The following MYH16 variants were observed in gnomAD, a reference collection of about 807,000 sequenced individuals.
MYH16 encodes the protein myosin heavy chain 16, also known as putative uncharacterized protein MYH16.
chr7:99,281,265 A>G (rs2150821114), intron 23 of MYH16, among the ~76,000 whole-genome samples: 1 of 152,232 alleles, frequency 6.6e-6, no homozygotes, highest in Middle Eastern at 3.4e-3. Context: ...GCTATGAACA[A>G]TTATGAATCA....
At chr7:99,255,412 T>C in intron 8 of MYH16, among the ~76,000 whole-genome samples, 1 of 140,890 alleles carries the variant, frequency 7.1e-6, no homozygotes, top group East Asian at 2.1e-4. Flanking sequence ...TGTGCCACCG[T>C]ACTCCAGCCT....
At chr7:99,291,286 C>T (rs1297480864) in intron 30 of MYH16, 37 bp from the exon 12 acceptor site, 1 of 452,530 alleles carries the variant, frequency 2.2e-6, no homozygotes. Flanking sequence ...GGAACCAGTT[C>T]TTCATCCAAT....
At chr7:99,246,251 A>T (rs1791728676) in intron 2 of MYH16, among the ~76,000 whole-genome samples, 1 of 151,884 alleles carries the variant, frequency 6.6e-6, no homozygotes. Flanking sequence ...AGAAAGAAAG[A>T]AAAAAACAGG....
At chr7:99,257,148 G>A (rs1791881200) in intron 9 of MYH16, among the ~76,000 whole-genome samples, 1 of 152,146 alleles carries the variant, frequency 6.6e-6, no homozygotes, top group South Asian at 2.1e-4. Flanking sequence ...TGGGCCCCTT[G>A]GAGAACTCTC....
intron 18 of MYH16, among the ~76,000 whole-genome samples, chr7:99,268,607 G>A (rs1297258005): frequency 6.6e-6 from 1 of 152,202 alleles, no homozygotes; most frequent in African/African-American, 2.4e-5. Flanking sequence ...TGCTCCCTGA[G>A]GACTAGGCAG....
chr7:99,260,376 C>A, intron 12 of MYH16: 2 of 846,648 alleles, frequency 2.4e-6, no homozygotes, highest in Admixed American at 4.2e-5. Flanking sequence ...GAGGCCAGGG[C>A]CAAGGGATGT....
At chr7:99,297,838 C>A (rs543404903) in intron 35 of MYH16, 42 bp downstream of exon 16, 1 of 456,630 alleles carries the variant, frequency 2.2e-6, no homozygotes, top group African/African-American at 2.0e-5. Context: ...GGACCCTTGG[C>A]CAGGCACTGC....
intron 2 of MYH16, among the ~76,000 whole-genome samples, chr7:99,246,996 C>T (rs571816180): frequency 3.0e-4 from 45 of 152,136 alleles, no homozygotes; most frequent in Middle Eastern, 3.4e-3. Context: ...ACTTTCAATA[C>T]GATATTTTCA....
intron 2 of MYH16, among the ~76,000 whole-genome samples, chr7:99,246,769 G>C (rs1321622795): frequency 3.3e-5 from 5 of 152,070 alleles, no homozygotes; most frequent in Middle Eastern, 6.8e-3. Flanking sequence ...TTTACCTGTG[G>C]TGAGGGTGGG....
At chr7:99,257,575 T>C (rs1244197965) in intron 10 of MYH16, 1 of 152,270 alleles carries the variant, frequency 6.6e-6, no homozygotes, top group African/African-American at 2.4e-5. Flanking sequence ...CAGACATTGA[T>C]ATTTTCAGAA....
At chr7:99,269,752 T>G (rs1792025435) in intron 18 of MYH16, among the ~76,000 whole-genome samples, 1 of 152,202 alleles carries the variant, frequency 6.6e-6, no homozygotes, top group South Asian at 2.1e-4. Context: ...ACATTGTCAC[T>G]GCCACACTGT....
intron 34 of MYH16, 45 bp downstream of exon 15, chr7:99,296,962 A>T (rs1420607095): frequency 2.2e-6 from 1 of 449,732 alleles, no homozygotes; most frequent in South Asian, 1.6e-5. Context: ...TAGGGAGGGG[A>T]CACAGCCAGA....
At chr7:99,292,773 T>C (rs964004290) in intron 32 of MYH16, among the ~76,000 whole-genome samples, 5 of 151,894 alleles carry the variant, frequency 3.3e-5, no homozygotes, top group African/African-American at 1.2e-4. Context: ...CAGCCCGGGC[T>C]ACATGGTGAG....
At chr7:99,293,510 C>T (rs1792422928) in intron 32 of MYH16, among the ~76,000 whole-genome samples, 1 of 152,182 alleles carries the variant, frequency 6.6e-6, no homozygotes, top group Non-Finnish European at 1.5e-5. Context: ...AAATCTCAAC[C>T]CCTAAGCTTG....
At chr7:99,295,741 G>A (rs189650299) in intron 33 of MYH16, among the ~76,000 whole-genome samples, 77 of 150,862 alleles carry the variant, frequency 5.1e-4, no homozygotes, top group Non-Finnish European at 9.4e-4. Flanking sequence ...GCTGAGGTGG[G>A]AAGATTGCTT....
intron 39 of MYH16, among the ~76,000 whole-genome samples, chr7:99,304,018 C>G (rs1204932654): frequency 6.6e-6 from 1 of 152,100 alleles, no homozygotes; most frequent in African/African-American, 2.4e-5. Context: ...TCTGTTTACT[C>G]CCCACTTGGA....
At chr7:99,261,126 C>A (rs1461599614) in intron 12 of MYH16, 1 of 152,028 alleles carries the variant, frequency 6.6e-6, no homozygotes, top group Non-Finnish European at 1.5e-5. Flanking sequence ...TTGACTTCCC[C>A]ATTTTTCAGA....
At chr7:99,280,688 G>A (rs1048181758) in intron 22 of MYH16, among the ~76,000 whole-genome samples, 188 bp from the exon 5 acceptor site, 38 of 152,112 alleles carry the variant, frequency 2.5e-4, no homozygotes, top group African/African-American at 8.5e-4. Flanking sequence ...GCCGACATCC[G>A]GGGACCACAC....
chr7:99,243,375 G>GACAA (rs1791689849), exon 2 of MYH16: 1 of 152,786 alleles, frequency 6.5e-6, no homozygotes, highest in African/African-American at 2.4e-5. Context: ...AATGAGGCCA[G>GACAA]TGTCCTAGAC....
Sources: allele counts gnomAD v4.1 joint callset (sites outside exome capture counted in the v4.1 genomes callset), GRCh38; gene constraint gnomAD v4.1.1; transcripts MANE v1.5; gene names NCBI Gene and HGNC (gene_info 2026-07-23, HGNC 2026-07-21).